The following ATP8A2 variants were observed in gnomAD, a reference collection of about 807,000 sequenced individuals.
ATP8A2 encodes phospholipid-transporting ATPase IB.
Under a neutral mutation model 165.6 loss-of-function variants are expected in ATP8A2, and 100 were observed. The ratio of observed to expected loss-of-function variants is 0.60; its 90% CI spans 0.51 to 0.71. The LOEUF (loss-of-function observed/expected upper bound fraction) is 0.71, where lower values mean the gene tolerates loss of function less well. Among genes scored for constraint, ATP8A2 ranks in the 30% least tolerant of loss-of-function variants. The probability of loss-of-function intolerance (pLI) is 0.00; values close to 1 mark genes in which losing one functional copy is unlikely to be tolerated. For missense variants in ATP8A2, 1,227 were observed against 1,479.5 expected, an observed-to-expected ratio of 0.83 and a Z score of 2.80; for synonymous variants, 543 against 548.8, an observed-to-expected ratio of 0.99 and a Z score of 0.15.
At chr13:25,718,984 A>G (rs553178096) in intron 25 of ATP8A2, among the ~76,000 whole-genome samples, 4 of 152,270 alleles carry the variant, frequency 2.6e-5, no homozygotes, top group African/African-American at 9.6e-5. Flanking sequence ...CATTTTCTGC[A>G]TGTTTCGGGG....
intron 22 of ATP8A2, among the ~76,000 whole-genome samples, 189 bp downstream of exon 22, chr13:25,580,136 C>G (rs1179258511): frequency 6.6e-6 from 1 of 152,180 alleles, no homozygotes; most frequent in East Asian, 1.9e-4. Flanking sequence ...TCTGAAAGCT[C>G]TAGCCACCCT....
chr13:25,535,136 A>G (rs2038235578), intron 6 of ATP8A2, among the ~76,000 whole-genome samples: 1 of 152,100 alleles, frequency 6.6e-6, no homozygotes, highest in Non-Finnish European at 1.5e-5. Flanking sequence ...TTGAAGGGTG[A>G]ATCAGGGGTA....
chr13:25,414,169 A>C (rs2034062298), intron 1 of ATP8A2, among the ~76,000 whole-genome samples: 1 of 148,400 alleles, frequency 6.7e-6, no homozygotes, highest in African/African-American at 2.5e-5. Context: ...TGACTATCTT[A>C]TCACAAGGGC....
intron 25 of ATP8A2, among the ~76,000 whole-genome samples, chr13:25,731,630 CA>C (rs2043648132): frequency 6.6e-6 from 1 of 152,126 alleles, no homozygotes; most frequent in Non-Finnish European, 1.5e-5. Context: ...GGCCTCACCC[CA>C]TTGGTAAGTG....
chr13:25,526,455 A>G (rs866422716), intron 2 of ATP8A2, among the ~76,000 whole-genome samples: 1 of 152,180 alleles, frequency 6.6e-6, no homozygotes, highest in African/African-American at 2.4e-5. Flanking sequence ...ATATTTGCTT[A>G]AGAGATTCAT....
At chr13:25,395,286 G>T (rs1389127201) in intron 1 of ATP8A2, among the ~76,000 whole-genome samples, 2 of 152,014 alleles carry the variant, frequency 1.3e-5, no homozygotes, top group African/African-American at 2.4e-5. Flanking sequence ...CAAAGCCAGA[G>T]ATCTTGTCTT....
chr13:25,735,436 C>T (rs1189780636), intron 25 of ATP8A2, among the ~76,000 whole-genome samples: 1 of 151,872 alleles, frequency 6.6e-6, no homozygotes, highest in Non-Finnish European at 1.5e-5. Flanking sequence ...ATTTTTTAAA[C>T]TTTTTGTAGA....
chr13:25,703,510 T>G (rs565511374), intron 25 of ATP8A2, among the ~76,000 whole-genome samples: 140 of 152,278 alleles, frequency 9.2e-4, no homozygotes, highest in African/African-American at 3.1e-3. Context: ...TACTTGTATG[T>G]GCATGTCCAT....
intron 33 of ATP8A2, among the ~76,000 whole-genome samples, chr13:25,872,866 A>G (rs1952714580): frequency 6.6e-6 from 1 of 152,190 alleles, no homozygotes. Flanking sequence ...GATGTAGCCA[A>G]CATAAAAAGA....
At chr13:25,862,508 A>G in intron 33 of ATP8A2, 100 bp downstream of exon 33, 1 of 851,548 alleles carries the variant, frequency 1.2e-6, no homozygotes, top group Non-Finnish European at 2.0e-6. Flanking sequence ...AGCCACGATG[A>G]GCTTCAGGAG....
chr13:25,558,841 A>G, intron 13 of ATP8A2, 132 bp from the exon 14 acceptor site: 1 of 559,136 alleles, frequency 1.8e-6, no homozygotes, highest in East Asian at 3.0e-5. Context: ...ATTTTTTGTT[A>G]CTAATTTGCT....
chr13:25,967,328 T>TG (rs1249576543), intron 34 of ATP8A2, among the ~76,000 whole-genome samples: 2 of 152,166 alleles, frequency 1.3e-5, no homozygotes, highest in African/African-American at 4.8e-5. Flanking sequence ...TTGTTTACTT[T>TG]GGGGGAAAGG....
chr13:25,759,118 G>T (rs2044326449), intron 25 of ATP8A2, among the ~76,000 whole-genome samples: 2 of 152,166 alleles, frequency 1.3e-5, no homozygotes, highest in Admixed American at 6.5e-5. Context: ...GGCCATTGCT[G>T]TCCCTGTGGC....
At chr13:25,436,795 T>A (rs1448400746) in intron 1 of ATP8A2, among the ~76,000 whole-genome samples, 1 of 145,746 alleles carries the variant, frequency 6.9e-6, no homozygotes, top group Non-Finnish European at 1.5e-5. Context: ...TTTTTTTTTT[T>A]AACAGAGTCT....
chr13:25,954,804 A>G (rs1770002000), intron 33 of ATP8A2, among the ~76,000 whole-genome samples: 1 of 152,212 alleles, frequency 6.6e-6, no homozygotes, highest in Admixed American at 6.5e-5. Context: ...TTTCATCAAC[A>G]TCAACAAAAA....
chr13:25,404,220 T>A (rs929550457), intron 1 of ATP8A2, among the ~76,000 whole-genome samples: 1 of 152,100 alleles, frequency 6.6e-6, no homozygotes, highest in African/African-American at 2.4e-5. Flanking sequence ...GCCTCAGTTA[T>A]GCAGATAAGG....
chr13:25,732,988 G>T (rs1361388399), intron 25 of ATP8A2, among the ~76,000 whole-genome samples: 1 of 152,082 alleles, frequency 6.6e-6, no homozygotes, highest in East Asian at 1.9e-4. Flanking sequence ...TCTCAGTGGT[G>T]TAATTTTCCC....
intron 10 of ATP8A2, among the ~76,000 whole-genome samples, chr13:25,544,851 C>T (rs2038594121): frequency 6.6e-6 from 1 of 150,560 alleles, no homozygotes; most frequent in Non-Finnish European, 1.5e-5. Flanking sequence ...GAGGTGTGGC[C>T]TGGCTACGGG....
At chr13:25,660,535 A>G (rs763307657) in intron 24 of ATP8A2, among the ~76,000 whole-genome samples, 136 of 152,348 alleles carry the variant, frequency 8.9e-4, no homozygotes, top group Non-Finnish European at 1.7e-3. Flanking sequence ...ATGTTGGCAG[A>G]GAGAGATGGC....
Sources: gnomAD v4.1 joint callset for allele counts (sites outside exome capture counted in the v4.1 genomes callset) on GRCh38, gnomAD v4.1.1 for gene constraint, MANE v1.5 for transcripts, NCBI Gene and HGNC (gene_info 2026-07-23, HGNC 2026-07-21) for gene names.